The following SPATA13 variants were observed in gnomAD, a reference collection of about 807,000 sequenced individuals.
The protein encoded by SPATA13 is spermatogenesis associated 13.
Under a neutral mutation model 104.0 loss-of-function variants are expected in SPATA13, and 50 were observed. That is an observed-to-expected ratio of 0.48 (90% CI 0.38 to 0.61). The LOEUF (loss-of-function observed/expected upper bound fraction) is 0.61. Ranked by LOEUF, SPATA13 falls within the 20% of genes least tolerant of loss-of-function variation. The pLI, the probability that SPATA13 is intolerant of heterozygous loss-of-function variation, is 0.00. For missense variants in SPATA13, 1,524 were observed against 1,690.6 expected, an observed-to-expected ratio of 0.90 and a Z score of 1.73; for synonymous variants, 606 against 667.5, an observed-to-expected ratio of 0.91 and a Z score of 1.42.
chr13:24,074,083 A>G (rs1879249214), intron 3 of SPATA13, among the ~76,000 whole-genome samples: 1 of 152,256 alleles, frequency 6.6e-6, no homozygotes, highest in Non-Finnish European at 1.5e-5. Flanking sequence ...CATACAGTTT[A>G]GTAATGTTAA....
At chr13:24,281,827 GGC>G (rs1593494666) in intron 4 of SPATA13, among the ~76,000 whole-genome samples, 1 of 152,268 alleles carries the variant, frequency 6.6e-6, no homozygotes, top group East Asian at 1.9e-4. Flanking sequence ...GGCTGGGAGA[GGC>G]GCCGCTGGCA....
At chr13:24,092,653 G>C (rs1049415112) in intron 3 of SPATA13, among the ~76,000 whole-genome samples, 1 of 152,168 alleles carries the variant, frequency 6.6e-6, no homozygotes, top group African/African-American at 2.4e-5. Flanking sequence ...AATATTTTCT[G>C]CTGCCCTTTG....
chr13:24,259,359 A>G (rs1873948084), intron 4 of SPATA13, among the ~76,000 whole-genome samples: 2 of 152,240 alleles, frequency 1.3e-5, no homozygotes, highest in Admixed American at 1.3e-4. Context: ...CAGCCCCCAG[A>G]GCCTCACTTG....
At chr13:23,995,007 G>T (rs1398535667) in intron 2 of SPATA13, among the ~76,000 whole-genome samples, 1 of 152,166 alleles carries the variant, frequency 6.6e-6, no homozygotes, top group Non-Finnish European at 1.5e-5. Flanking sequence ...TGAGTGTCGT[G>T]ACTGTGTGTG....
chr13:24,169,756 G>T (rs1882892008), intron 1 of SPATA13, among the ~76,000 whole-genome samples: 1 of 152,196 alleles, frequency 6.6e-6, no homozygotes, highest in African/African-American at 2.4e-5. Context: ...ACCTCCTGCA[G>T]ACCTTTCTTC....
chr13:24,022,076 T>C (rs1448168532), intron 3 of SPATA13, among the ~76,000 whole-genome samples: 3 of 143,136 alleles, frequency 2.1e-5, no homozygotes, highest in Non-Finnish European at 4.5e-5. Flanking sequence ...TCAAATGGAG[T>C]CTTGCTCTAT....
intron 3 of SPATA13, among the ~76,000 whole-genome samples, chr13:24,113,181 A>C (rs948415972): frequency 6.6e-6 from 1 of 152,260 alleles, no homozygotes. Flanking sequence ...TGTGCAAACC[A>C]CTATATCTGC....
intron 3 of SPATA13, among the ~76,000 whole-genome samples, chr13:24,054,586 AC>A (rs1878474070): frequency 6.6e-6 from 1 of 152,202 alleles, no homozygotes; most frequent in African/African-American, 2.4e-5. Flanking sequence ...ATTCATAGTT[AC>A]CCCCAAAACA....
At chr13:24,013,268 C>T (rs903585146) in intron 2 of SPATA13, among the ~76,000 whole-genome samples, 6 of 152,238 alleles carry the variant, frequency 3.9e-5, no homozygotes, top group Admixed American at 3.3e-4. Context: ...GTAAGTGGAA[C>T]TCTGATTTCA....
At chr13:24,139,648 A>G (rs2138455046) in intron 3 of SPATA13, among the ~76,000 whole-genome samples, 1 of 152,376 alleles carries the variant, frequency 6.6e-6, no homozygotes, top group South Asian at 2.1e-4. Context: ...AACTGGAACT[A>G]CAGAAACCCT....
chr13:24,249,701 G>A lies in SPATA13; in HGVS notation c.1878G>A (p.Met626Ile). The A allele has an allele frequency of 6.2e-7, 1 of 1,613,600 alleles. No individual in the cohort carries two copies. The highest frequency in any genetic ancestry group is 1.7e-4 in the Middle Eastern group (1 of 6,026). ...DRVDEDPQAS[M>I]TSASPEDQNA... Reference sequence around the variant, plus strand: ...TGGACGAGGACCCCCAGGCAAGCATGACTTCTGCCAGCCCTGAAGACCAGA... The same window carrying A: ...TGGACGAGGACCCCCAGGCAAGCATAACTTCTGCCAGCCCTGAAGACCAGA... Residue 626 changes from methionine (M) to isoleucine (I), a missense_variant, in exon 3 of 13, where the codon ATG becomes ATA. Transcript: ENST00000382108.
upstream of SPATA13, among the ~76,000 whole-genome samples, chr13:24,159,707 A>G (rs1882387703): frequency 6.6e-6 from 1 of 152,218 alleles, no homozygotes; most frequent in Admixed American, 6.5e-5. Flanking sequence ...AGTTTTTTCA[A>G]TATTTTAAAA....
At chr13:24,038,077 A>G (rs1347090517) in intron 3 of SPATA13, among the ~76,000 whole-genome samples, 1 of 151,574 alleles carries the variant, frequency 6.6e-6, no homozygotes, top group East Asian at 2.0e-4. Flanking sequence ...ATGCCCAGCT[A>G]ATTTTTTGTA....
intron 1 of SPATA13, among the ~76,000 whole-genome samples, chr13:24,181,305 C>CT (rs111709727): frequency 0.012 from 1,879 of 152,212 alleles, 38 homozygotes; most frequent in African/African-American, 0.043. Context: ...TTTATTGAAA[C>CT]TTTTTTCATA....
At chr13:24,132,965 GAC>G (rs1353538671) in intron 3 of SPATA13, among the ~76,000 whole-genome samples, 1 of 104,984 alleles carries the variant, frequency 9.5e-6, no homozygotes, top group Admixed American at 1.0e-4. Flanking sequence ...AACAGAGTGA[GAC>G]TCTGTCTCAA....
intron 1 of SPATA13, among the ~76,000 whole-genome samples, chr13:24,186,368 T>A (rs983962175): frequency 6.6e-6 from 1 of 152,098 alleles, no homozygotes; most frequent in Admixed American, 6.5e-5. Flanking sequence ...AGGTCAGAGG[T>A]TTACGATATG....
chr13:24,170,433 A>G (rs186849494), intron 1 of SPATA13, among the ~76,000 whole-genome samples: 58 of 152,222 alleles, frequency 3.8e-4, no homozygotes, highest in Admixed American at 3.5e-3. Flanking sequence ...GGTGGACACT[A>G]CTCATCTCCT....
chr13:24,005,648 A>C (rs893473821), intron 2 of SPATA13, among the ~76,000 whole-genome samples: 4 of 152,144 alleles, frequency 2.6e-5, no homozygotes, highest in African/African-American at 4.8e-5. Flanking sequence ...AGTTCATAAA[A>C]GTGTCTTTCA....
At chr13:24,165,425 A>C (rs1430233640) in intron 1 of SPATA13, among the ~76,000 whole-genome samples, 1 of 152,136 alleles carries the variant, frequency 6.6e-6, no homozygotes, top group African/African-American at 2.4e-5. Flanking sequence ...TTTGTTTCTT[A>C]ACACTGGCAA....
Sources: allele counts gnomAD v4.1 joint callset (sites outside exome capture counted in the v4.1 genomes callset), GRCh38; gene constraint gnomAD v4.1.1; transcripts MANE v1.5; gene names NCBI Gene and HGNC (gene_info 2026-07-23, HGNC 2026-07-21).